Variants in ACAP2 observed in about 807,000 individuals in gnomAD.
ACAP2 encodes the protein ArfGAP with coiled-coil, ankyrin repeat and PH domains 2.
A neutral mutation model predicts 115.8 loss-of-function variants in ACAP2; 39 were observed. The observed-to-expected ratio is 0.34, with a 90% CI of 0.26 to 0.44. ACAP2 has a LOEUF of 0.44. Among genes scored for constraint, ACAP2 ranks in the 20% least tolerant of loss-of-function variants. The probability of loss-of-function intolerance (pLI) is 1.00; values close to 1 mark genes in which losing one functional copy is unlikely to be tolerated. For synonymous variants in ACAP2, 289 were observed against 315.8 expected (o/e 0.92, Z 0.90); for missense variants, 662 against 927.6 (o/e 0.71, Z 3.72).
intron 1 of ACAP2, among the ~76,000 whole-genome samples, chr3:195,434,412 G>A (rs954095840): frequency 1.3e-5 from 2 of 151,366 alleles, no homozygotes; most frequent in African/African-American, 4.9e-5. Flanking sequence ...TTTTTTGTTT[G>A]ATTTGGTTTG....
At chr3:195,308,649 A>C in intron 11 of ACAP2, 137 bp downstream of exon 11, 2 of 740,200 alleles carry the variant, frequency 2.7e-6, no homozygotes, top group Non-Finnish European at 4.3e-6. Flanking sequence ...GAGTCCTCTT[A>C]TACCTGCTCA....
chr3:195,306,374 C>A, intron 13 of ACAP2, 137 bp downstream of exon 13: 2 of 487,026 alleles, frequency 4.1e-6, no homozygotes, highest in Admixed American at 3.3e-5. Flanking sequence ...AAATTAAATC[C>A]AGATTTTAAA....
At chr3:195,325,922 G>A (rs1382850716) in intron 9 of ACAP2, among the ~76,000 whole-genome samples, 3 of 152,146 alleles carry the variant, frequency 2.0e-5, no homozygotes, top group Non-Finnish European at 4.4e-5. Context: ...TGTCTCACCT[G>A]ACACTAACTA....
chr3:195,433,233 T>G (rs1715274874), intron 1 of ACAP2, among the ~76,000 whole-genome samples: 1 of 152,224 alleles, frequency 6.6e-6, no homozygotes, highest in Admixed American at 6.5e-5. Flanking sequence ...TAATACCTAA[T>G]GCAATGTAAA....
intron 7 of ACAP2, among the ~76,000 whole-genome samples, chr3:195,333,335 G>A (rs1025705979): frequency 2.6e-5 from 4 of 152,114 alleles, no homozygotes. Context: ...CTAAATAGCT[G>A]GGACCACAGG....
At chr3:195,353,743 G>A (rs540840546) in intron 4 of ACAP2, among the ~76,000 whole-genome samples, 1 of 151,016 alleles carries the variant, frequency 6.6e-6, no homozygotes, top group African/African-American at 2.4e-5. Flanking sequence ...TGCAGTTTAT[G>A]TCAATTATTC....
rs1405711264 is a variant in ACAP2, at chr3:195,275,316, A to C, written c.*4012T>G. On this transcript the variant is annotated 3_prime_UTR_variant, in exon 23 of 23. Transcript: ENST00000326793. Reference sequence around the variant, plus strand: ...TGGATAAATTTATGTAAACAGAAAAAGATGTCCACAAAACCATATCTGTAG... The same window carrying C: ...TGGATAAATTTATGTAAACAGAAAACGATGTCCACAAAACCATATCTGTAG... The C allele has an allele frequency of 6.6e-6, 1 of 152,246 alleles. No individual in the cohort carries two copies. Among genetic ancestry groups the C allele is most frequent in the African/African-American group, 2.4e-5 (1 of 41,460 alleles). 9.4% of individuals were successfully genotyped at this position (152,246 alleles called of 1,614,324 possible). A position where few individuals can be genotyped will look rare whatever the true frequency, so the allele number is the denominator to read the frequency against.
At chr3:195,320,516 G>T (rs1280749324) in intron 10 of ACAP2, among the ~76,000 whole-genome samples, 185 bp downstream of exon 10, 1 of 151,946 alleles carries the variant, frequency 6.6e-6, no homozygotes, top group Non-Finnish European at 1.5e-5. Context: ...TTAGAATTTA[G>T]AATTAACGAT....
chr3:195,419,604 T>C (rs900237563), intron 1 of ACAP2: 15 of 152,180 alleles, frequency 9.9e-5, no homozygotes, highest in Non-Finnish European at 5.9e-5. Flanking sequence ...TTGTCTTTGG[T>C]GTCATGCTTA....
intron 1 of ACAP2, among the ~76,000 whole-genome samples, chr3:195,406,773 C>T (rs1712805743): frequency 6.6e-6 from 1 of 152,172 alleles, no homozygotes; most frequent in Non-Finnish European, 1.5e-5. Context: ...AGTCTGCTGA[C>T]AGCTTTGACA....
At chr3:195,299,323 A>C (rs1046618955) in intron 15 of ACAP2, among the ~76,000 whole-genome samples, 1 of 152,126 alleles carries the variant, frequency 6.6e-6, no homozygotes, top group African/African-American at 2.4e-5. Context: ...TAATCCCAGC[A>C]CTTTGGGAGG....
rs9874644 is a variant in ACAP2, at chr3:195,278,084, A to T, written c.*1244T>A. On this transcript the variant is annotated 3_prime_UTR_variant, in exon 23 of 23. Coordinates refer to ENST00000326793, the MANE Select transcript of ACAP2 (RefSeq NM_012287.6). Reference sequence around the variant, plus strand: ...TGACACAGCAAGACGCCATCTCGGGAAAAAAAAAAAAAAAAAGCAAATTAA... The same window carrying T: ...TGACACAGCAAGACGCCATCTCGGGTAAAAAAAAAAAAAAAAGCAAATTAA... 6 of 126,764 alleles carry T rather than the reference A, an allele frequency of 4.7e-5. No homozygotes were observed. The highest frequency in any genetic ancestry group is 1.1e-4 in the Non-Finnish European group (6 of 55,334). 7.9% of individuals were successfully genotyped at this position (126,764 alleles called of 1,614,324 possible). A position where few individuals can be genotyped will look rare whatever the true frequency, so the allele number is the denominator to read the frequency against.
At chr3:195,298,171 A>G (rs1324777423) in intron 15 of ACAP2, among the ~76,000 whole-genome samples, 2 of 152,200 alleles carry the variant, frequency 1.3e-5, no homozygotes, top group East Asian at 3.9e-4. Flanking sequence ...GAGGATTACA[A>G]TGCTCTCTGG....
chr3:195,360,104 C>G (rs545475396), intron 4 of ACAP2, among the ~76,000 whole-genome samples: 1 of 152,112 alleles, frequency 6.6e-6, no homozygotes, highest in South Asian at 2.1e-4. Context: ...GATAAAGAAA[C>G]AAGACGCAAT....
chr3:195,284,808 T>G (rs1726736207), intron 22 of ACAP2, among the ~76,000 whole-genome samples: 1 of 152,192 alleles, frequency 6.6e-6, no homozygotes, highest in Non-Finnish European at 1.5e-5. Context: ...AGTCACGAAT[T>G]CATGAAATTT....
intron 17 of ACAP2, 45 bp from the exon 18 acceptor site, chr3:195,294,856 T>C: frequency 1.6e-6 from 2 of 1,253,216 alleles, no homozygotes; most frequent in Non-Finnish European, 1.2e-6. Context: ...TCATGCCATT[T>C]AGAAAACAAT....
At chr3:195,328,684 A>G (rs1318070152) in intron 8 of ACAP2, among the ~76,000 whole-genome samples, 1 of 152,256 alleles carries the variant, frequency 6.6e-6, no homozygotes, top group Non-Finnish European at 1.5e-5. Flanking sequence ...GAAATGCAGT[A>G]CAAGGTAGCC....
At chr3:195,353,853 A>C (rs1236994975) in intron 4 of ACAP2, among the ~76,000 whole-genome samples, 1 of 152,160 alleles carries the variant, frequency 6.6e-6, no homozygotes, top group East Asian at 1.9e-4. Flanking sequence ...TTTTAGGTTC[A>C]GGGGTGCATG....
chr3:195,279,353 A>C lies in ACAP2; in HGVS notation c.2312T>G (p.Phe771Cys), dbSNP rs899292995. The change falls in exon 23 of 23, where the codon TTC becomes TGC. Residue 771 changes from phenylalanine to cysteine, a missense_variant. Transcript: ENST00000326793. ...TCAGAATTTCTGTGAATCTTGCTGG[A>C]AACGATTTAGTTTCTCTGGATTATT... ...ASNNPEKLNR[F>C]QQDSQKF 6.2e-7 allele frequency: 1 copy of C among 1,604,446 alleles called. No individual in the cohort carries two copies. The highest frequency in any genetic ancestry group is 8.5e-7 in the Non-Finnish European group (1 of 1,177,064).
Sources: allele counts gnomAD v4.1 joint callset (sites outside exome capture counted in the v4.1 genomes callset), GRCh38; gene constraint gnomAD v4.1.1; transcripts MANE v1.5; gene names NCBI Gene and HGNC (gene_info 2026-07-23, HGNC 2026-07-21).